Variants in SLC13A3 observed in about 807,000 individuals in gnomAD.
SLC13A3 encodes solute carrier family 13 member 3.
In SLC13A3, 40 loss-of-function variants were observed where a neutral mutation model predicts 59.0. The ratio of observed to expected loss-of-function variants is 0.68; its 90% CI spans 0.53 to 0.88. The LOEUF is 0.88. Among genes scored for constraint, SLC13A3 ranks in the 40% least tolerant of loss-of-function variants. SLC13A3 has a pLI of 0.00. For missense variants in SLC13A3, 699 were observed against 783.2 expected, an observed-to-expected ratio of 0.89 and a Z score of 1.28; for synonymous variants, 317 against 330.3, an observed-to-expected ratio of 0.96 and a Z score of 0.44.
intron 1 of SLC13A3, among the ~76,000 whole-genome samples, chr20:46,664,720 T>TTGTA (rs574946268): frequency 1.5e-4 from 23 of 151,830 alleles, no homozygotes; most frequent in Non-Finnish European, 3.4e-4. Context: ...GGAGGTGCTG[T>TTGTA]TGTAGATAAG....
Position 46,651,325 on chromosome 20 carries a change from C to G in SLC13A3, c.97G>C (p.Ala33Pro). ...TPLALLPVVF[A>P]LPPKEGRCLF... Reference sequence around the variant, plus strand: ...GGAGGCGTTACCTTGGGCGGGAGGGCGAAGACCACCGGCAGCAGCGCGAGC... The same window carrying G: ...GGAGGCGTTACCTTGGGCGGGAGGGGGAAGACCACCGGCAGCAGCGCGAGC... Residue 33 changes from alanine to proline, a missense_variant, in exon 1 of 13, where the codon GCC (alanine) becomes CCC (proline). Ala to Pro is a conservative substitution (Grantham distance 27, BLOSUM62 -1). Coordinates refer to ENST00000279027, the MANE Select transcript of SLC13A3 (RefSeq NM_022829.6). 1 of 1,511,986 alleles carries G rather than the reference C, an allele frequency of 6.6e-7. No homozygotes were observed. Among genetic ancestry groups the G allele is most frequent in the Non-Finnish European group, 8.8e-7 (1 of 1,131,736 alleles). 93.7% of individuals were successfully genotyped at this position (1,511,986 alleles called of 1,614,324 possible).
At position 46,559,105 on chromosome 20, in the gene SLC13A3, G is replaced by C. The variant is rs1657274859; in HGVS notation, c.*917C>G. 6.6e-6 allele frequency: 1 copy of C among 151,996 alleles called. No homozygotes were observed. The allele number at this position is 151,996 out of a possible 1,614,324, so 9.4% of individuals were successfully genotyped here. Reference sequence around the variant, plus strand: ...AATGGGGCCTTTGATAATTAAACATGCTTACCACTTAAGGTGGGGCATGGA... The same window carrying C: ...AATGGGGCCTTTGATAATTAAACATCCTTACCACTTAAGGTGGGGCATGGA... On this transcript the variant is annotated 3_prime_UTR_variant, in exon 13 of 13. Coordinates refer to ENST00000279027, the MANE Select transcript of SLC13A3 (RefSeq NM_022829.6).
upstream of SLC13A3, among the ~76,000 whole-genome samples, chr20:46,655,913 T>TATTATACTGTATATAA (rs2062984447): frequency 2.5e-4 from 35 of 142,566 alleles, no homozygotes; most frequent in African/African-American, 8.8e-4. Context: ...GTACAGTATA[T>TATTATACTGTATATAA]TATATATACG....
intron 1 of SLC13A3, among the ~76,000 whole-genome samples, chr20:46,614,640 A>G (rs562737985): frequency 8.5e-5 from 13 of 152,362 alleles, no homozygotes; most frequent in African/African-American, 3.1e-4. Flanking sequence ...ATTAAGTACC[A>G]GGTGCTATTT....
At chr20:46,626,817 G>A (rs571983611) in intron 1 of SLC13A3, among the ~76,000 whole-genome samples, 5 of 133,336 alleles carry the variant, frequency 3.7e-5, no homozygotes, top group African/African-American at 1.1e-4. Flanking sequence ...TGGGCTCTCA[G>A]AACAAGCAGG....
chr20:46,670,429 A>G (rs1446373193), upstream of SLC13A3, among the ~76,000 whole-genome samples: 1 of 152,158 alleles, frequency 6.6e-6, no homozygotes, highest in African/African-American at 2.4e-5. Context: ...CCCCTCCCAC[A>G]CTGACTCTGG....
At chr20:46,663,636 T>G (rs1414023317) in intron 1 of SLC13A3, among the ~76,000 whole-genome samples, 2 of 152,196 alleles carry the variant, frequency 1.3e-5, no homozygotes, top group African/African-American at 4.8e-5. Context: ...TCTAAGAGCT[T>G]TACATGATTT....
intron 9 of SLC13A3, among the ~76,000 whole-genome samples, chr20:46,581,057 A>G (rs1180663266): frequency 6.6e-6 from 1 of 152,202 alleles, no homozygotes; most frequent in Non-Finnish European, 1.5e-5. Context: ...GCCCCACTCC[A>G]CAAGAAGCAG....
At chr20:46,648,988 A>C (rs1373831186) in intron 1 of SLC13A3, among the ~76,000 whole-genome samples, 1 of 151,734 alleles carries the variant, frequency 6.6e-6, no homozygotes, top group East Asian at 1.9e-4. Context: ...CAGACTCTGC[A>C]TTCTGGCTTT....
chr20:46,559,701 G>A lies in SLC13A3; in HGVS notation c.*321C>T. 1 of 260,898 alleles carries A rather than the reference G, an allele frequency of 3.8e-6. No individual in the cohort carries two copies. Among genetic ancestry groups the A allele is most frequent in the South Asian group, 7.8e-5 (1 of 12,762 alleles). 16.2% of individuals were successfully genotyped at this position (260,898 alleles called of 1,614,324 possible). A position where few individuals can be genotyped will look rare whatever the true frequency, so the allele number is the denominator to read the frequency against. ...ATGGCCTCCTATCCCAACTGTACGA[G>A]ACAAACACCATGCCAGATTTGCTCA... is the stretch of plus-strand genomic sequence containing the variant. On this transcript the variant is annotated 3_prime_UTR_variant, in exon 13 of 13. Coordinates refer to ENST00000279027, the MANE Select transcript of SLC13A3 (RefSeq NM_022829.6).
intron 8 of SLC13A3, among the ~76,000 whole-genome samples, chr20:46,586,087 TA>T (rs2062188163): frequency 6.6e-6 from 1 of 152,246 alleles, no homozygotes; most frequent in Admixed American, 6.5e-5. Context: ...AATTTATACA[TA>T]AAATATATTA....
At chr20:46,560,560 T>G (rs1020474099) in intron 12 of SLC13A3, among the ~76,000 whole-genome samples, 1 of 152,146 alleles carries the variant, frequency 6.6e-6, no homozygotes, top group African/African-American at 2.4e-5. Flanking sequence ...AGTTGACTTG[T>G]CCAAGGTCAC....
At chr20:46,608,517 T>C (rs907093742) in intron 3 of SLC13A3, among the ~76,000 whole-genome samples, 1 of 152,238 alleles carries the variant, frequency 6.6e-6, no homozygotes, top group Non-Finnish European at 1.5e-5. Flanking sequence ...GAGCTGACTC[T>C]GCCACTTTGC....
intron 1 of SLC13A3, among the ~76,000 whole-genome samples, chr20:46,638,350 G>A (rs1333695192): frequency 1.3e-5 from 2 of 152,186 alleles, no homozygotes; most frequent in Non-Finnish European, 2.9e-5. Flanking sequence ...TCACCCCTAG[G>A]CCCCCAGAGC....
At position 46,589,174 on chromosome 20, in the gene SLC13A3, G is replaced by C; in HGVS notation, c.1002C>G (p.Asn334Lys). 2 of 1,614,100 alleles carry C rather than the reference G, an allele frequency of 1.2e-6. No individual in the cohort carries two copies. Among genetic ancestry groups the C allele is most frequent in the Non-Finnish European group, 1.7e-6 (2 of 1,179,974 alleles). The change falls in exon 7 of 13, where the codon AAC (asparagine) becomes AAG (lysine). Residue 334 changes from asparagine (N) to lysine (K), a missense_variant. Asn to Lys is a moderately conservative substitution (Grantham distance 94, BLOSUM62 0). Coordinates refer to ENST00000279027, the MANE Select transcript of SLC13A3 (RefSeq NM_022829.6). ...ARAVIREEYQ[N>K]LGPIKFAEQA... ...CCCCCACATACTTGATGGGCCCCAG[G>C]TTCTGGTATTCTTCCCGAATTACAG...
intron 1 of SLC13A3, among the ~76,000 whole-genome samples, chr20:46,630,479 C>A (rs993168922): frequency 6.6e-6 from 1 of 152,232 alleles, no homozygotes; most frequent in Non-Finnish European, 1.5e-5. Flanking sequence ...GAAGCATGCG[C>A]CACTCTTGAT....
chr20:46,650,968 G>A (rs1220647919), intron 1 of SLC13A3, among the ~76,000 whole-genome samples: 4 of 152,198 alleles, frequency 2.6e-5, no homozygotes, highest in Middle Eastern at 3.4e-3. Flanking sequence ...AAGGAGGATC[G>A]CTTAAGTCCA....
chr20:46,582,800 T>G (rs2062151448), intron 9 of SLC13A3: 1 of 985,260 alleles, frequency 1.0e-6, no homozygotes, highest in African/African-American at 1.7e-5. Context: ...CCGGAGGAGC[T>G]CATCCAACTG....
intron 8 of SLC13A3, chr20:46,585,030 T>C (rs1568920870): frequency 2.5e-5 from 15 of 591,790 alleles, no homozygotes; most frequent in Non-Finnish European, 2.8e-5. Context: ...ATTTGAAGCA[T>C]TGAACACAAT....
Sources: gnomAD v4.1 joint callset for allele counts (sites outside exome capture counted in the v4.1 genomes callset) on GRCh38, gnomAD v4.1.1 for gene constraint, MANE v1.5 for transcripts, NCBI Gene and HGNC (gene_info 2026-07-23, HGNC 2026-07-21) for gene names.